THRB: variants seen among roughly 807,000 people sequenced by gnomAD.
THRB encodes nuclear receptor subfamily 1 group A member 2.
In THRB, 12 loss-of-function variants were observed where a neutral mutation model predicts 47.8. The ratio of observed to expected loss-of-function variants is 0.25; its 90% CI spans 0.16 to 0.41. THRB has a LOEUF of 0.41. Ranked by LOEUF, THRB falls within the 10% of genes least tolerant of loss-of-function variation. The pLI, the probability that THRB is intolerant of heterozygous loss-of-function variation, is 1.00. For missense variants in THRB, 348 were observed against 589.2 expected (o/e 0.59, Z 4.24); for synonymous variants, 218 against 212.2 (o/e 1.03, Z -0.24).
chr3:24,378,991 C>T lies in THRB; in HGVS notation c.-260-41620G>A, dbSNP rs150019541. Among the ~76,000 whole-genome samples the T allele has an allele frequency of 5.2e-4, 79 of 152,164 alleles. No homozygotes were observed. In the East Asian group the frequency reaches 0.011, roughly 22 times the overall value. ...GCACCATTTGAAAGCATTTTATAAT[C>T]ATCATCTCATTTAACCCTTATAGCA... On this transcript the variant is annotated intron_variant, in intron 1 of 10. Transcript: ENST00000646209.
At chr3:24,442,648 A>C (rs768653360) in intron 1 of THRB, among the ~76,000 whole-genome samples, 27 of 152,010 alleles carry the variant, frequency 1.8e-4, no homozygotes, top group Non-Finnish European at 3.2e-4. Flanking sequence ...AACATGGAGA[A>C]ACCCTTCTCT....
intron 1 of THRB, among the ~76,000 whole-genome samples, chr3:24,410,960 A>T (rs981137783): frequency 2.6e-5 from 4 of 151,836 alleles, no homozygotes; most frequent in African/African-American, 4.8e-5. Context: ...ATCATCAAAG[A>T]GATATGACCT....
intron 3 of THRB, among the ~76,000 whole-genome samples, chr3:24,270,775 G>A (rs201191289): frequency 6.6e-6 from 1 of 152,132 alleles, no homozygotes; most frequent in East Asian, 1.9e-4. Context: ...TTTGCCCTCT[G>A]GATCTTTTTG....
intron 6 of THRB, among the ~76,000 whole-genome samples, chr3:24,151,344 C>A (rs550307736): frequency 6.6e-6 from 1 of 151,846 alleles, no homozygotes; most frequent in Admixed American, 6.6e-5. Context: ...GGGGGCTTTA[C>A]GAGCAAGGGT....
intron 4 of THRB, among the ~76,000 whole-genome samples, chr3:24,224,282 CAAT>C (rs1303223495): frequency 2.6e-5 from 4 of 152,016 alleles, no homozygotes; most frequent in African/African-American, 4.8e-5. Context: ...TTATTTATAA[CAAT>C]ATTATGTTAA....
chr3:24,367,178 G>A (rs2149706663), intron 1 of THRB, among the ~76,000 whole-genome samples: 1 of 152,280 alleles, frequency 6.6e-6, no homozygotes, highest in Admixed American at 6.5e-5. Context: ...AGGACGTGGA[G>A]ATGTTTCACA....
intron 4 of THRB, among the ~76,000 whole-genome samples, chr3:24,223,902 T>A (rs1489199534): frequency 6.6e-6 from 1 of 151,342 alleles, no homozygotes; most frequent in Admixed American, 6.6e-5. Context: ...GTGGGGGGGG[T>A]ATATAGTCAA....
intron 3 of THRB, among the ~76,000 whole-genome samples, chr3:24,262,809 C>A (rs1436292946): frequency 2.0e-5 from 3 of 152,170 alleles, no homozygotes; most frequent in Non-Finnish European, 4.4e-5. Flanking sequence ...TTCCCCTACC[C>A]CCTACTAGAC....
At chr3:24,315,667 G>A (rs2058068294) in intron 2 of THRB, among the ~76,000 whole-genome samples, 1 of 152,158 alleles carries the variant, frequency 6.6e-6, no homozygotes, top group Non-Finnish European at 1.5e-5. Context: ...CTGGGAGGCT[G>A]CCTGGACAGC....
intron 2 of THRB, among the ~76,000 whole-genome samples, chr3:24,328,347 T>C (rs891642893): frequency 6.6e-6 from 1 of 152,204 alleles, no homozygotes; most frequent in African/African-American, 2.4e-5. Flanking sequence ...GATTAATATC[T>C]AGATATTATC....
At chr3:24,215,119 T>C (rs2149912310) in intron 4 of THRB, among the ~76,000 whole-genome samples, 1 of 152,338 alleles carries the variant, frequency 6.6e-6, no homozygotes, top group East Asian at 1.9e-4. Context: ...GCAAGAGCAC[T>C]AACATTTACT....
chr3:24,201,201 T>C (rs187461477), intron 4 of THRB, among the ~76,000 whole-genome samples: 296 of 152,274 alleles, frequency 1.9e-3, no homozygotes, highest in African/African-American at 6.9e-3. Context: ...TCCTGTTATT[T>C]TTCCCCTGAA....
At chr3:24,254,199 T>TAAAAA (rs57275069) in intron 3 of THRB, among the ~76,000 whole-genome samples, 5 of 34,618 alleles carry the variant, frequency 1.4e-4, no homozygotes, top group Non-Finnish European at 2.1e-4. Flanking sequence ...CTGTCTCTAC[T>TAAAAA]AAAAAAAAAA....
intron 1 of THRB, chr3:24,348,700 AG>A (rs36063942): frequency 2.0e-5 from 3 of 152,252 alleles, no homozygotes; most frequent in South Asian, 4.2e-4. Flanking sequence ...AGACCTCACA[AG>A]GGGGATTTAC....
chr3:24,311,253 A>G (rs577807298), intron 2 of THRB, among the ~76,000 whole-genome samples: 16 of 152,216 alleles, frequency 1.1e-4, no homozygotes, highest in Non-Finnish European at 2.1e-4. Context: ...AATCCCAAGC[A>G]GGACAGAAAA....
chr3:24,271,935 T>C (rs2053375142), intron 3 of THRB, among the ~76,000 whole-genome samples: 1 of 152,202 alleles, frequency 6.6e-6, no homozygotes, highest in Non-Finnish European at 1.5e-5. Flanking sequence ...TAATATTTGA[T>C]TATTAGCTAT....
chr3:24,467,503 T>C (rs2074250044), intron 1 of THRB, among the ~76,000 whole-genome samples: 1 of 152,214 alleles, frequency 6.6e-6, no homozygotes, highest in Non-Finnish European at 1.5e-5. Context: ...GAAATGTATT[T>C]CTTAGATAAT....
intron 1 of THRB, among the ~76,000 whole-genome samples, chr3:24,340,744 TAG>T (rs1294582971): frequency 6.6e-6 from 1 of 152,204 alleles, no homozygotes; most frequent in African/African-American, 2.4e-5. Flanking sequence ...TTAGATTCTA[TAG>T]AGGTTGTTTC....
intron 3 of THRB, among the ~76,000 whole-genome samples, chr3:24,229,756 AT>A (rs2048061327): frequency 6.6e-6 from 1 of 152,212 alleles, no homozygotes; most frequent in African/African-American, 2.4e-5. Flanking sequence ...CCTTCAGCAT[AT>A]TGCCGGAGAC....
Sources: allele counts gnomAD v4.1 joint callset (sites outside exome capture counted in the v4.1 genomes callset), GRCh38; gene constraint gnomAD v4.1.1; transcripts MANE v1.5; gene names NCBI Gene and HGNC (gene_info 2026-07-23, HGNC 2026-07-21).